Variants in BAZ2B observed in about 807,000 individuals in gnomAD.
The protein encoded by BAZ2B is bromodomain adjacent to zinc finger domain 2B.
A neutral mutation model predicts 246.0 loss-of-function variants in BAZ2B; 91 were observed. That is an observed-to-expected ratio of 0.37 (90% CI 0.31 to 0.44). The LOEUF (loss-of-function observed/expected upper bound fraction) is 0.44. Among genes scored for constraint, BAZ2B ranks in the 20% least tolerant of loss-of-function variants. BAZ2B has a pLI of 1.00. For missense variants in BAZ2B, 2,332 were observed against 2,533.7 expected, an observed-to-expected ratio of 0.92 and a Z score of 1.71; for synonymous variants, 855 against 860.0, an observed-to-expected ratio of 0.99 and a Z score of 0.10.
At chr2:159,619,646 T>G (rs1410540150), upstream of BAZ2B, among the ~76,000 whole-genome samples, 1 of 151,748 alleles carries the variant, frequency 6.6e-6, no homozygotes, top group African/African-American at 2.4e-5. Context: ...AATCTGTATT[T>G]TTAAACTGAT....
chr2:159,540,087 CAGTAGAA>C (rs1203615821), intron 2 of BAZ2B, among the ~76,000 whole-genome samples: 1 of 152,148 alleles, frequency 6.6e-6, no homozygotes, highest in Non-Finnish European at 1.5e-5. Flanking sequence ...TACTTCTCCC[CAGTAGAA>C]AGTAAACTTA....
In BAZ2B at chr2:159,432,998, G is replaced by C. The variant is rs1370943078; in HGVS notation, c.1659C>G (p.Pro553=). 1.2e-6 allele frequency: 2 copies of C among 1,614,142 alleles called. No homozygotes were observed. The part of the protein sequence containing the change: ...RTPGNQTPVM[P]SASPILHSQG... Reference sequence around the variant, plus strand: ...GACTATGCAGGATGGGAGAGGCAGAGGGCATTACAGGTGTCTGATTGCCAG... The same window carrying C: ...GACTATGCAGGATGGGAGAGGCAGACGGCATTACAGGTGTCTGATTGCCAG... Residue 553 remains proline, a synonymous_variant, in exon 9 of 37, where the codon CCC becomes CCG. Coordinates refer to ENST00000392783, the MANE Select transcript of BAZ2B (RefSeq NM_013450.4).
At chr2:159,381,644 C>T (rs73967861) in intron 25 of BAZ2B, among the ~76,000 whole-genome samples, 2,342 of 152,234 alleles carry the variant, frequency 0.015, 69 homozygotes, top group African/African-American at 0.053. Context: ...TGATGTTGCC[C>T]CACCTTTTGT....
At chr2:159,655,209 G>A in the BAZ2B span, among the ~76,000 whole-genome samples, 4 of 152,112 alleles carry the variant, frequency 2.6e-5, no homozygotes, top group South Asian at 6.2e-4. Flanking sequence ...AGACCAGCCT[G>A]GCAAACATGG....
At chr2:159,676,660 C>CACACACAT in the BAZ2B span, among the ~76,000 whole-genome samples, 1 of 151,348 alleles carries the variant, frequency 6.6e-6, no homozygotes, top group South Asian at 2.1e-4. Flanking sequence ...CACACACACA[C>CACACACAT]ACACACACAC....
intron 10 of BAZ2B, 94 bp downstream of exon 10, chr2:159,430,769 T>G (rs1286872742): frequency 6.6e-7 from 1 of 1,507,604 alleles, no homozygotes; most frequent in Non-Finnish European, 8.8e-7. Flanking sequence ...TAATCTTGAT[T>G]CCAGTGAGAT....
intron 13 of BAZ2B, among the ~76,000 whole-genome samples, chr2:159,423,305 G>A (rs985232732): frequency 2.1e-5 from 2 of 93,704 alleles, no homozygotes; most frequent in Admixed American, 9.8e-5. Flanking sequence ...GACAGAGCAA[G>A]ACTCTATCTA....
chr2:159,435,388 A>C, intron 8 of BAZ2B: 1 of 144,650 alleles, frequency 6.9e-6, no homozygotes, highest in South Asian at 2.2e-4. Flanking sequence ...ACAGAGTCTC[A>C]CTCTGTTGCC....
intron 1 of BAZ2B, among the ~76,000 whole-genome samples, chr2:159,604,623 A>G (rs1216612161): frequency 6.6e-6 from 1 of 152,208 alleles, no homozygotes; most frequent in African/African-American, 2.4e-5. Flanking sequence ...AAACAAAATT[A>G]CAACCAAAAC....
chr2:159,395,094 C>T (rs1022608844), intron 20 of BAZ2B, among the ~76,000 whole-genome samples: 1 of 151,066 alleles, frequency 6.6e-6, no homozygotes, highest in South Asian at 2.1e-4. Context: ...GGTATCATCT[C>T]AATTTTAAAA....
At chr2:159,578,331 A>T (rs370962193) in intron 1 of BAZ2B, among the ~76,000 whole-genome samples, 1 of 152,160 alleles carries the variant, frequency 6.6e-6, no homozygotes. Context: ...ACAGTTCATA[A>T]AAAAAAGAAA....
chr2:159,695,933 T>C, the BAZ2B span, among the ~76,000 whole-genome samples: 1 of 151,548 alleles, frequency 6.6e-6, no homozygotes, highest in Non-Finnish European at 1.5e-5. Flanking sequence ...AGTCCTTTTG[T>C]TTGTTTTAGT....
At chr2:159,329,520 CATAT>C (rs1221568375) in intron 34 of BAZ2B, among the ~76,000 whole-genome samples, 1 of 151,980 alleles carries the variant, frequency 6.6e-6, no homozygotes, top group East Asian at 1.9e-4. Flanking sequence ...CCTGTGATCA[CATAT>C]ATACATACAT....
chr2:159,377,472 C>T (rs754729800), intron 25 of BAZ2B, among the ~76,000 whole-genome samples: 3 of 152,068 alleles, frequency 2.0e-5, no homozygotes, highest in Admixed American at 2.0e-4. Context: ...TCTACCTTTG[C>T]CAGTGAAATC....
the BAZ2B span, among the ~76,000 whole-genome samples, chr2:159,647,138 TAGTC>T: frequency 6.6e-6 from 1 of 152,178 alleles, no homozygotes; most frequent in African/African-American, 2.4e-5. Context: ...AAATCTATAT[TAGTC>T]AGGATTCTCC....
At chr2:159,494,352 A>G (rs904595664) in intron 2 of BAZ2B, among the ~76,000 whole-genome samples, 10 of 152,338 alleles carry the variant, frequency 6.6e-5, no homozygotes, top group African/African-American at 2.2e-4. Flanking sequence ...TATGGTTTCT[A>G]CAGGGAAGCA....
At chr2:159,475,998 C>T (rs1297672074) in intron 3 of BAZ2B, among the ~76,000 whole-genome samples, 2 of 152,082 alleles carry the variant, frequency 1.3e-5, no homozygotes, top group African/African-American at 2.4e-5. Context: ...GAGGTGCCTC[C>T]CAGTCAGGAT....
the BAZ2B span, among the ~76,000 whole-genome samples, chr2:159,710,212 CTT>C: frequency 2.8e-5 from 4 of 143,720 alleles, no homozygotes; most frequent in African/African-American, 2.6e-5. Context: ...AGCAAAATGT[CTT>C]TTTTTTTTTT....
At chr2:159,635,347 G>T in the BAZ2B span, among the ~76,000 whole-genome samples, 1 of 149,736 alleles carries the variant, frequency 6.7e-6, no homozygotes, top group Non-Finnish European at 1.5e-5. Flanking sequence ...GTAAGAGAAA[G>T]AAAAATGTAA....
Sources: gnomAD v4.1 joint callset for allele counts (sites outside exome capture counted in the v4.1 genomes callset) on GRCh38, gnomAD v4.1.1 for gene constraint, MANE v1.5 for transcripts, NCBI Gene and HGNC (gene_info 2026-07-23, HGNC 2026-07-21) for gene names.